Variants in SDK1 observed in about 807,000 individuals in gnomAD.
SDK1 encodes sidekick cell adhesion molecule 1, also known as protein sidekick-1.
SDK1 carries 157 observed loss-of-function variants against 245.5 expected under a neutral mutation model. That is an observed-to-expected ratio of 0.64 (90% CI 0.56 to 0.73). The LOEUF is 0.73. SDK1 is among the 30% of genes least tolerant of loss of function. SDK1 has a pLI of 0.00. For synonymous variants in SDK1, 1,647 were observed against 1,278.5 expected (o/e 1.29, Z -6.15); for missense variants, 3,583 against 3,002.3 (o/e 1.19, Z -4.52).
intron 1 of SDK1, among the ~76,000 whole-genome samples, chr7:3,401,431 A>G (rs948660279): frequency 3.9e-5 from 6 of 152,146 alleles, no homozygotes; most frequent in Non-Finnish European, 1.5e-5. Flanking sequence ...TTATTCAAAG[A>G]CTTTTTGAGA....
intron 1 of SDK1, among the ~76,000 whole-genome samples, chr7:3,548,589 C>T (rs531499976): frequency 6.6e-6 from 1 of 152,322 alleles, no homozygotes; most frequent in East Asian, 1.9e-4. Flanking sequence ...CTTTTTAACA[C>T]ATTCCTGGAA....
chr7:3,325,783 T>C (rs142787428), intron 1 of SDK1, among the ~76,000 whole-genome samples: 3 of 152,306 alleles, frequency 2.0e-5, no homozygotes, highest in Non-Finnish European at 2.9e-5. Context: ...CTCAGTTCTG[T>C]TGAATTTCTC....
chr7:3,712,671 C>T (rs1785082281), intron 4 of SDK1, among the ~76,000 whole-genome samples: 1 of 152,154 alleles, frequency 6.6e-6, no homozygotes, highest in Non-Finnish European at 1.5e-5. Flanking sequence ...TCCTGAAGCG[C>T]ATGGCAGTGG....
At chr7:3,530,354 G>C (rs1414870538) in intron 1 of SDK1, among the ~76,000 whole-genome samples, 1 of 152,092 alleles carries the variant, frequency 6.6e-6, no homozygotes, top group Non-Finnish European at 1.5e-5. Context: ...TTCAATGAAA[G>C]TTTATGGATT....
At chr7:4,243,314 C>G (rs944762605) in intron 43 of SDK1, among the ~76,000 whole-genome samples, 2 of 152,172 alleles carry the variant, frequency 1.3e-5, no homozygotes, top group African/African-American at 4.8e-5. Context: ...CCCACAAAGA[C>G]CCAAGGACAA....
intron 32 of SDK1, among the ~76,000 whole-genome samples, chr7:4,164,270 C>A (rs1379375059): frequency 1.3e-5 from 2 of 152,232 alleles, no homozygotes; most frequent in African/African-American, 4.8e-5. Context: ...GAAGGACCCA[C>A]CCGCAACTTG....
intron 4 of SDK1, among the ~76,000 whole-genome samples, chr7:3,702,093 G>A (rs1784757572): frequency 6.6e-6 from 1 of 152,054 alleles, no homozygotes; most frequent in Non-Finnish European, 1.5e-5. Flanking sequence ...AGTGTTCTTA[G>A]ACATGACACC....
intron 1 of SDK1, among the ~76,000 whole-genome samples, chr7:3,320,144 C>G (rs1562411323): frequency 6.6e-6 from 1 of 151,974 alleles, no homozygotes; most frequent in Non-Finnish European, 1.5e-5. Context: ...CTGTTTCACA[C>G]ACGCACTCCC....
intron 36 of SDK1, among the ~76,000 whole-genome samples, chr7:4,207,066 G>A (rs1784262984): frequency 6.6e-6 from 1 of 152,192 alleles, no homozygotes; most frequent in Admixed American, 6.5e-5. Context: ...CAAGGCCTGG[G>A]CGAGCGGAAG....
intron 4 of SDK1, among the ~76,000 whole-genome samples, chr7:3,739,190 C>G (rs1198803395): frequency 2.6e-5 from 4 of 152,142 alleles, no homozygotes; most frequent in Non-Finnish European, 5.9e-5. Flanking sequence ...CTTTTCTTGA[C>G]AAGTAATTGT....
intron 11 of SDK1, 59 bp from the exon 12 acceptor site, chr7:3,971,407 G>T: frequency 4.1e-6 from 5 of 1,214,650 alleles, no homozygotes; most frequent in Non-Finnish European, 6.0e-6. Context: ...TATCCCCCCT[G>T]AGGGCAGAAA....
At chr7:3,990,043 C>T (rs1489371725) in intron 14 of SDK1, among the ~76,000 whole-genome samples, 1 of 152,232 alleles carries the variant, frequency 6.6e-6, no homozygotes, top group Non-Finnish European at 1.5e-5. Context: ...AGTGTGCTGT[C>T]CTGCACTACA....
chr7:3,678,922 A>G (rs1025945469), intron 4 of SDK1, among the ~76,000 whole-genome samples: 5 of 152,244 alleles, frequency 3.3e-5, no homozygotes, highest in African/African-American at 4.8e-5. Context: ...ATATCTTTAA[A>G]AAAACTTAAA....
intron 1 of SDK1, among the ~76,000 whole-genome samples, chr7:3,344,307 A>G (rs1246704217): frequency 2.0e-5 from 3 of 152,242 alleles, no homozygotes; most frequent in African/African-American, 7.2e-5. Context: ...CAGTAGCATC[A>G]AATACGTTCA....
At chr7:4,005,393 AGTGT>A (rs71032920) in intron 14 of SDK1, among the ~76,000 whole-genome samples, 4,395 of 129,860 alleles carry the variant, frequency 0.034, 157 homozygotes, top group East Asian at 0.2. Context: ...TTCTTATGTG[AGTGT>A]GTGTGTGTGT....
At chr7:3,464,909 T>G (rs936965475) in intron 1 of SDK1, among the ~76,000 whole-genome samples, 2 of 152,148 alleles carry the variant, frequency 1.3e-5, no homozygotes, top group African/African-American at 2.4e-5. Flanking sequence ...ATGTGATTTT[T>G]TTTCCCTTTA....
chr7:3,877,474 C>G (rs1024607493), intron 5 of SDK1, among the ~76,000 whole-genome samples: 1 of 152,174 alleles, frequency 6.6e-6, no homozygotes, highest in African/African-American at 2.4e-5. Flanking sequence ...CTTGGAAACT[C>G]ACATCTTTTT....
intron 1 of SDK1, among the ~76,000 whole-genome samples, chr7:3,545,938 C>A (rs1457261566): frequency 6.6e-6 from 1 of 152,184 alleles, no homozygotes; most frequent in Non-Finnish European, 1.5e-5. Flanking sequence ...ATCAAGAATA[C>A]CTAAATCAGT....
chr7:3,769,709 A>G (rs1276532899), intron 4 of SDK1, among the ~76,000 whole-genome samples: 1 of 152,084 alleles, frequency 6.6e-6, no homozygotes. Context: ...CAGATGAGGG[A>G]TGAGCCTGCC....
Sources: gnomAD v4.1 joint callset for allele counts (sites outside exome capture counted in the v4.1 genomes callset) on GRCh38, gnomAD v4.1.1 for gene constraint, MANE v1.5 for transcripts, NCBI Gene and HGNC (gene_info 2026-07-23, HGNC 2026-07-21) for gene names.